Variants in TINAG observed in about 807,000 individuals in gnomAD.
TINAG encodes the protein tubulointerstitial nephritis antigen.
A neutral mutation model predicts 72.7 loss-of-function variants in TINAG; 83 were observed. That is an observed-to-expected ratio of 1.14 (90% CI 0.96 to 1.37). The LOEUF is 1.37. TINAG is among the 40% of genes most tolerant of loss of function. The probability of loss-of-function intolerance (pLI) is 0.00; values close to 1 mark genes in which losing one functional copy is unlikely to be tolerated. For missense variants in TINAG, 685 were observed against 576.6 expected, an observed-to-expected ratio of 1.19 and a Z score of -1.93; for synonymous variants, 234 against 189.9, an observed-to-expected ratio of 1.23 and a Z score of -1.91.
intron 10 of TINAG, 31 bp downstream of exon 10, chr6:54,380,602 T>C: frequency 6.3e-7 from 1 of 1,582,708 alleles, no homozygotes. Flanking sequence ...GAATTCCTGC[T>C]GTGAAGTGAA....
intron 9 of TINAG, among the ~76,000 whole-genome samples, chr6:54,370,201 C>T (rs1295551679): frequency 6.6e-6 from 1 of 152,072 alleles, no homozygotes; most frequent in African/African-American, 2.4e-5. Flanking sequence ...TAATTGCATG[C>T]TCAAATGTCA....
chr6:54,310,796 TTC>T (rs1217445449), intron 1 of TINAG, among the ~76,000 whole-genome samples: 19 of 149,948 alleles, frequency 1.3e-4, no homozygotes, highest in African/African-American at 2.5e-4. Flanking sequence ...TCTTTCTTTT[TTC>T]TCTCTCTCTT....
chr6:54,308,716 T>C lies in TINAG; in HGVS notation c.166T>C (p.Tyr56His), dbSNP rs754911888. The C allele has an allele frequency of 1.9e-6, 3 of 1,613,930 alleles. No homozygotes were observed. The highest frequency in any genetic ancestry group is 2.2e-5 in the East Asian group (1 of 44,868). The change falls in exon 1 of 11, where the codon TAC becomes CAC. Residue 56 changes from tyrosine to histidine, a missense_variant. Coordinates refer to ENST00000259782, the MANE Select transcript of TINAG (RefSeq NM_014464.4). ...CAAAAGAGCCATTTTCCAAGGGCAA[T>C]ACTGTAGAAATTTTGGCTGTTGTGA... is the stretch of plus-strand genomic sequence containing the variant. The part of the protein sequence containing the change: ...RFKRAIFQGQ[Y>H]CRNFGCCEDR...
chr6:54,335,649 A>C (rs551495192), intron 4 of TINAG, among the ~76,000 whole-genome samples: 36 of 152,300 alleles, frequency 2.4e-4, no homozygotes, highest in South Asian at 1.9e-3. Context: ...TATAGCTACC[A>C]GTTAGTTTTA....
intron 9 of TINAG, among the ~76,000 whole-genome samples, chr6:54,359,127 C>A (rs1161085422): frequency 6.6e-6 from 1 of 151,834 alleles, no homozygotes; most frequent in African/African-American, 2.4e-5. Flanking sequence ...TCATTAAGGT[C>A]TTAAAATTCA....
chr6:54,322,482 T>A (rs751167770), intron 3 of TINAG, among the ~76,000 whole-genome samples: 1 of 152,232 alleles, frequency 6.6e-6, no homozygotes, highest in African/African-American at 2.4e-5. Context: ...TGATAACATC[T>A]TCTACATTTC....
intron 10 of TINAG, among the ~76,000 whole-genome samples, chr6:54,380,802 TCC>T (rs974994310): frequency 1.3e-5 from 2 of 151,684 alleles, no homozygotes; most frequent in Non-Finnish European, 2.9e-5. Flanking sequence ...TGTTTATTTT[TCC>T]CCAAGTTGAG....
In TINAG at chr6:54,362,124, A is replaced by G. The variant is rs541492532; in HGVS notation, c.1250+7488A>G. 2.6e-5 allele frequency among the ~76,000 whole-genome samples: 4 copies of G among 151,834 alleles called. No individual in the cohort carries two copies. In the East Asian group the frequency reaches 7.8e-4, roughly 30 times the overall value. On this transcript the variant is annotated intron_variant, in intron 9 of 10. Transcript: ENST00000259782. Reference sequence around the variant, plus strand: ...TTATCCAGAAGATCTAACTAAGATAATTGATGAAGGTGGCTACACTAAATA... The same window carrying G: ...TTATCCAGAAGATCTAACTAAGATAGTTGATGAAGGTGGCTACACTAAATA...
chr6:54,313,168 T>C (rs895019343), intron 1 of TINAG, among the ~76,000 whole-genome samples: 1 of 152,196 alleles, frequency 6.6e-6, no homozygotes, highest in Non-Finnish European at 1.5e-5. Context: ...CTTAAACATG[T>C]ATTTTTTTGA....
At chr6:54,333,627 A>T (rs899620177) in intron 4 of TINAG, among the ~76,000 whole-genome samples, 11 of 151,800 alleles carry the variant, frequency 7.2e-5, no homozygotes, top group South Asian at 4.2e-4. Flanking sequence ...AAAAAAAAAA[A>T]AAATAAAATA....
intron 9 of TINAG, among the ~76,000 whole-genome samples, chr6:54,377,934 TATA>T (rs1763828589): frequency 6.6e-6 from 1 of 152,142 alleles, no homozygotes; most frequent in South Asian, 2.1e-4. Flanking sequence ...AGGAATTTGC[TATA>T]ATATCATCGG....
chr6:54,315,947 A>G (rs1784364173), intron 1 of TINAG, among the ~76,000 whole-genome samples: 1 of 152,184 alleles, frequency 6.6e-6, no homozygotes, highest in African/African-American at 2.4e-5. Context: ...TAACTATATT[A>G]CAATGAAGGT....
chr6:54,361,004 T>A (rs1763218838), intron 9 of TINAG, among the ~76,000 whole-genome samples: 1 of 151,254 alleles, frequency 6.6e-6, no homozygotes, highest in Non-Finnish European at 1.5e-5. Context: ...TTTCCATTAT[T>A]ATATGTGTTA....
In TINAG at chr6:54,326,873, C is replaced by A. The variant is rs1260416408; in HGVS notation, c.581C>A (p.Thr194Asn). The change falls in exon 4 of 11, where the codon ACT (threonine) becomes AAT (asparagine). Residue 194 changes from threonine (T) to asparagine (N), a missense_variant. Transcript: ENST00000259782. ...GATGGTTTTAAATTTCGCCTTGGCACTTTGCCACCTAGTCCCATGCTCCTG... is the reference window on the plus strand; with the variant it reads ...GATGGTTTTAAATTTCGCCTTGGCAATTTGCCACCTAGTCCCATGCTCCTG... ...LEDGFKFRLGTLPPSPMLLSM... is the reference protein window; with the variant it reads ...LEDGFKFRLGNLPPSPMLLSM... The A allele has an allele frequency of 3.7e-6, 6 of 1,613,064 alleles. No individual in the cohort carries two copies. The highest frequency in any genetic ancestry group is 5.1e-6 in the Non-Finnish European group (6 of 1,179,830).
chr6:54,308,595 A>C lies in TINAG; in HGVS notation c.45A>C (p.Thr15=). The C allele has an allele frequency of 6.2e-7, 1 of 1,613,398 alleles. No homozygotes were observed. Among genetic ancestry groups the C allele is most frequent in the Non-Finnish European group, 8.5e-7 (1 of 1,179,692 alleles). ...YKILIFSYLT[T]EIWMEKQYLS... Reference sequence around the variant, plus strand: ...TCTTAATCTTCTCTTATCTTACTACAGAAATCTGGATGGAGAAGCAGTATT... The same window carrying C: ...TCTTAATCTTCTCTTATCTTACTACCGAAATCTGGATGGAGAAGCAGTATT... The change falls in exon 1 of 11, where the codon ACA becomes ACC. Residue 15 remains threonine, a synonymous_variant. Transcript: ENST00000259782.
At chr6:54,314,140 T>A (rs1784320622) in intron 1 of TINAG, among the ~76,000 whole-genome samples, 1 of 152,184 alleles carries the variant, frequency 6.6e-6, no homozygotes, top group Admixed American at 6.6e-5. Context: ...GTTAAATGTT[T>A]ATTTGATAAA....
rs1763965519 is a variant in TINAG, at chr6:54,382,001, G to T, written c.1296+1430G>T. The stretch of plus-strand genomic sequence containing the variant: ...CCCTACCTCTAGGTAGTGTATATGT[G>T]TACACACACACACATACACATACGC... On this transcript the variant is annotated intron_variant, in intron 10 of 10. Coordinates refer to ENST00000259782, the MANE Select transcript of TINAG (RefSeq NM_014464.4). Among the ~76,000 whole-genome samples, 3 of 151,844 alleles carry T rather than the reference G, an allele frequency of 2.0e-5. No homozygotes were observed. The South Asian group carries it at 6.2e-4, about 31-fold the overall frequency.
rs144821380 is a variant in TINAG at position 54,386,748 on chromosome 6, C to A, written c.1297-3043C>A. ...TGAAAAAAAAAAACCTAGATCACTTCCTCACTAAATACAGACAAAAACAAT... is the reference window on the plus strand; with the variant it reads ...TGAAAAAAAAAAACCTAGATCACTTACTCACTAAATACAGACAAAAACAAT... On this transcript the variant is annotated intron_variant, in intron 10 of 10. Transcript: ENST00000259782. 5.3e-3 allele frequency among the ~76,000 whole-genome samples: 798 copies of A among 151,908 alleles called. 11 individuals carry two copies. Among genetic ancestry groups the A allele is most frequent in the African/African-American group, 0.018 (767 of 41,478 alleles).
chr6:54,327,891 C>A lies in TINAG; in HGVS notation c.624+975C>A, dbSNP rs140317703. 3.2e-3 allele frequency among the ~76,000 whole-genome samples: 493 copies of A among 152,268 alleles called. 4 individuals carry two copies. The highest frequency in any genetic ancestry group is 0.011 in the African/African-American group (467 of 41,540). ...TGGAGCTCACCACAGCACAGCAAAG[C>A]CACTGTAGCCAGGCTGCCTCTCTAG... On this transcript the variant is annotated intron_variant, in intron 4 of 10. Coordinates refer to ENST00000259782, the MANE Select transcript of TINAG (RefSeq NM_014464.4).
Sources: allele counts gnomAD v4.1 joint callset (sites outside exome capture counted in the v4.1 genomes callset), GRCh38; gene constraint gnomAD v4.1.1; transcripts MANE v1.5; gene names NCBI Gene and HGNC (gene_info 2026-07-23, HGNC 2026-07-21).